The following MAP4K4 variants were observed in gnomAD, a reference collection of about 807,000 sequenced individuals.
The protein encoded by MAP4K4 is mitogen-activated protein kinase kinase kinase kinase 4.
MAP4K4 carries 38 observed loss-of-function variants against 189.6 expected under a neutral mutation model. The observed-to-expected ratio is 0.20, with a 90% CI of 0.15 to 0.26. The LOEUF is 0.26. Among genes scored for constraint, MAP4K4 ranks in the 10% least tolerant of loss-of-function variants. The pLI, the probability that MAP4K4 is intolerant of heterozygous loss-of-function variation, is 1.00. For synonymous variants in MAP4K4, 610 were observed against 624.3 expected (o/e 0.98, Z 0.34); for missense variants, 1,054 against 1,726.9 (o/e 0.61, Z 6.91).
In MAP4K4 at chr2:101,862,762, A is replaced by C. The variant is rs147304062; in HGVS notation, c.1867-1059A>C. On this transcript the variant is annotated intron_variant, in intron 16 of 32. Coordinates refer to ENST00000324219, the Ensembl canonical transcript of MAP4K4. The stretch of plus-strand genomic sequence containing the variant: ...TTTGAATTACATGCTTTATCTCTGA[A>C]AATCTTAAACATTTTAGAAGTCTAG... Among the ~76,000 whole-genome samples the C allele has an allele frequency of 2.9e-3, 445 of 152,310 alleles. 2 individuals carry two copies. The highest frequency in any genetic ancestry group is 0.01 in the African/African-American group (429 of 41,570).
chr2:101,712,925 CAG>C (rs2046397765), intron 2 of MAP4K4, among the ~76,000 whole-genome samples: 1 of 135,102 alleles, frequency 7.4e-6, no homozygotes, highest in African/African-American at 2.8e-5. Context: ...TTTTTTGAGA[CAG>C]AGTCTCACTC....
At chr2:101,759,160 G>T (rs565523518) in intron 2 of MAP4K4, among the ~76,000 whole-genome samples, 5 of 151,940 alleles carry the variant, frequency 3.3e-5, no homozygotes, top group Admixed American at 2.0e-4. Context: ...AAAAAGAAGG[G>T]TTGCCATTTC....
chr2:101,741,076 T>G (rs1458333737), intron 2 of MAP4K4, among the ~76,000 whole-genome samples: 2 of 152,146 alleles, frequency 1.3e-5, no homozygotes, highest in Non-Finnish European at 2.9e-5. Context: ...CTTTGATGCT[T>G]GAGGACTCTT....
intron 2 of MAP4K4, among the ~76,000 whole-genome samples, chr2:101,707,270 G>A (rs926335705): frequency 8.8e-5 from 13 of 148,398 alleles, no homozygotes; most frequent in South Asian, 2.1e-4. Flanking sequence ...GTGCAGTGGC[G>A]CCATCTTGGC....
chr2:101,830,047 T>A (rs1325327100), intron 6 of MAP4K4, among the ~76,000 whole-genome samples: 1 of 152,192 alleles, frequency 6.6e-6, no homozygotes, highest in Non-Finnish European at 1.5e-5. Flanking sequence ...TTTGGGCCTT[T>A]GCATGACTAT....
intron 10 of MAP4K4, 52 bp from the exon 11 acceptor site, chr2:101,842,557 C>A (rs575558555): frequency 7.6e-7 from 1 of 1,317,156 alleles, no homozygotes; most frequent in Non-Finnish European, 1.1e-6. Flanking sequence ...TCTGAACAGG[C>A]GTGTGTCAGG....
chr2:101,734,318 T>A (rs148637606), intron 2 of MAP4K4, among the ~76,000 whole-genome samples: 1 of 152,192 alleles, frequency 6.6e-6, no homozygotes, highest in Non-Finnish European at 1.5e-5. Context: ...AGAAGCTGAT[T>A]ATGTGTACAG....
chr2:101,887,275 C>T, intron 30 of MAP4K4, 38 bp downstream of exon 30: 1 of 1,571,080 alleles, frequency 6.4e-7, no homozygotes, highest in Non-Finnish European at 8.6e-7. Flanking sequence ...GGTTGACTGG[C>T]TTCATTTTGT....
intron 3 of MAP4K4, among the ~76,000 whole-genome samples, chr2:101,791,419 C>T (rs1035826869): frequency 1.3e-5 from 2 of 151,320 alleles, no homozygotes; most frequent in Non-Finnish European, 2.9e-5. Context: ...ATGCACGAGC[C>T]CATATTTAAA....
chr2:101,795,210 A>C (rs2093561542), intron 3 of MAP4K4, among the ~76,000 whole-genome samples: 1 of 152,202 alleles, frequency 6.6e-6, no homozygotes, highest in South Asian at 2.1e-4. Flanking sequence ...CCAGGGTGAT[A>C]CTTTGGCACT....
chr2:101,824,533 A>G (rs375995473), intron 4 of MAP4K4, among the ~76,000 whole-genome samples: 2 of 152,128 alleles, frequency 1.3e-5, no homozygotes, highest in Non-Finnish European at 2.9e-5. Context: ...GACACATTCA[A>G]CCTTACCTCT....
At chr2:101,760,019 A>AT (rs1297565253) in intron 2 of MAP4K4, among the ~76,000 whole-genome samples, 2 of 151,268 alleles carry the variant, frequency 1.3e-5, no homozygotes, top group African/African-American at 4.9e-5. Flanking sequence ...AATTTTTTGT[A>AT]TTTTTTTGTA....
chr2:101,822,873 T>C (rs936901896), intron 3 of MAP4K4, among the ~76,000 whole-genome samples: 3 of 152,226 alleles, frequency 2.0e-5, no homozygotes, highest in Non-Finnish European at 4.4e-5. Context: ...TAGGGGATTC[T>C]AGAGATCTGG....
At chr2:101,706,059 C>T (rs2042150355) in intron 2 of MAP4K4, among the ~76,000 whole-genome samples, 1 of 152,130 alleles carries the variant, frequency 6.6e-6, no homozygotes, top group South Asian at 2.1e-4. Context: ...ATAAATAGGG[C>T]CTTAACTTAC....
intron 2 of MAP4K4, among the ~76,000 whole-genome samples, chr2:101,723,034 C>A (rs1199896885): frequency 6.6e-6 from 1 of 152,178 alleles, no homozygotes; most frequent in African/African-American, 2.4e-5. Context: ...AAAGGGGAAG[C>A]CAGACATCTC....
At chr2:101,811,163 A>G (rs113845105) in intron 3 of MAP4K4, among the ~76,000 whole-genome samples, 41 of 151,912 alleles carry the variant, frequency 2.7e-4, no homozygotes, top group African/African-American at 9.4e-4. Context: ...CACGAGGTCA[A>G]GAGATCGAGG....
At chr2:101,833,988 A>G (rs926183775) in intron 7 of MAP4K4, among the ~76,000 whole-genome samples, 2 of 152,328 alleles carry the variant, frequency 1.3e-5, no homozygotes, top group South Asian at 4.1e-4. Context: ...GTTACTAACA[A>G]TAAACATAAA....
intron 2 of MAP4K4, among the ~76,000 whole-genome samples, chr2:101,783,846 C>T (rs951665952): frequency 2.0e-5 from 3 of 152,170 alleles, no homozygotes; most frequent in African/African-American, 4.8e-5. Context: ...GGGAGACTGG[C>T]GTCTTCTAGA....
intron 23 of MAP4K4, chr2:101,870,695 G>A (rs1023149862): frequency 3.1e-6 from 1 of 322,040 alleles, no homozygotes; most frequent in Non-Finnish European, 5.9e-6. Flanking sequence ...GTCTGAGCGG[G>A]AGAGAAGCCA....
Sources: gnomAD v4.1 joint callset for allele counts (sites outside exome capture counted in the v4.1 genomes callset) on GRCh38, gnomAD v4.1.1 for gene constraint, MANE v1.5 for transcripts, NCBI Gene and HGNC (gene_info 2026-07-23, HGNC 2026-07-21) for gene names.